Variants in SOX6 observed in about 807,000 individuals in gnomAD.
SOX6 encodes the protein SRY-box transcription factor 6.
SOX6 carries 11 observed loss-of-function variants against 97.8 expected under a neutral mutation model. The observed-to-expected ratio is 0.11, with a 90% CI of 0.07 to 0.19. The LOEUF is 0.19. Among genes scored for constraint, SOX6 ranks in the 10% least tolerant of loss-of-function variants. The pLI is 1.00. For synonymous variants in SOX6, 360 were observed against 371.4 expected (o/e 0.97, Z 0.35); for missense variants, 810 against 1,039.5 (o/e 0.78, Z 3.04).
At chr11:16,669,822 A>T (rs1371641438) in intron 3 of SOX6, among the ~76,000 whole-genome samples, 1 of 152,072 alleles carries the variant, frequency 6.6e-6, no homozygotes, top group Non-Finnish European at 1.5e-5. Context: ...ACTCTGACAC[A>T]ACCACCCTGC....
rs192662602 is a variant in SOX6, at chr11:16,497,959, A to G, written n.610-21571T>C. Among the ~76,000 whole-genome samples the G allele has an allele frequency of 1.3e-3, 194 of 152,326 alleles. 3 individuals carry two copies. The highest frequency in any genetic ancestry group is 0.011 in the Admixed American group (175 of 15,302). On this transcript the variant is annotated intron_variant and non_coding_transcript_variant, in intron 4 of 5. Coordinates refer to the SOX6 transcript ENST00000524520. ...AGGCCAACATTCACATTCAGGAAAT[A>G]CAGAGAATGCCACAAAGATACTCCT...
intron 9 of SOX6, among the ~76,000 whole-genome samples, chr11:16,071,919 A>G (rs978051138): frequency 6.6e-6 from 1 of 152,072 alleles, no homozygotes; most frequent in Non-Finnish European, 1.5e-5. Flanking sequence ...TTAAAAAAAA[A>G]AAAAAGAAAA....
At chr11:16,084,546 G>T (rs758944351) in intron 9 of SOX6, among the ~76,000 whole-genome samples, 3 of 151,922 alleles carry the variant, frequency 2.0e-5, no homozygotes, top group Non-Finnish European at 4.4e-5. Context: ...CTACTGAGGG[G>T]GTGTCATTAT....
intron 4 of SOX6, among the ~76,000 whole-genome samples, chr11:16,207,148 C>A (rs543416522): frequency 2.6e-5 from 4 of 152,300 alleles, no homozygotes; most frequent in Admixed American, 2.0e-4. Context: ...TCTATTCACA[C>A]TGCCCAAAAC....
intron 3 of SOX6, among the ~76,000 whole-genome samples, chr11:16,281,407 G>A (rs1462390357): frequency 6.6e-6 from 1 of 151,940 alleles, no homozygotes; most frequent in East Asian, 1.9e-4. Flanking sequence ...GAAGATATGA[G>A]TATTTTTCCC....
rs1221589996 is a variant in SOX6, at chr11:16,300,692, T to C, written c.445+17754A>G. On this transcript the variant is annotated intron_variant, in intron 3 of 15. Transcript: ENST00000683767. This position sits in a 1 kb window ranked among gnomAD's most constrained non-coding sequence, Gnocchi z 4.1. ...AAGTGGGGCTAACGAAAACTGAAGT[T>C]CATCACCAGAGAAACCTGCGGCTGT... Among the ~76,000 whole-genome samples the C allele has an allele frequency of 6.6e-6, 1 of 152,158 alleles. No individual in the cohort carries two copies. Among genetic ancestry groups the C allele is most frequent in the African/African-American group, 2.4e-5 (1 of 41,430 alleles).
intron 3 of SOX6, among the ~76,000 whole-genome samples, chr11:16,707,589 G>A (rs950386155): frequency 1.4e-4 from 21 of 152,150 alleles, no homozygotes; most frequent in Admixed American, 1.2e-3. Flanking sequence ...CTTTATTCAT[G>A]AGGCAACTGA....
intron 9 of SOX6, among the ~76,000 whole-genome samples, chr11:16,094,320 G>A (rs1848750589): frequency 6.6e-6 from 1 of 151,648 alleles, no homozygotes; most frequent in African/African-American, 2.4e-5. Flanking sequence ...GTTGGGAGTG[G>A]GGGGTGGGAG....
chr11:16,509,229 TATTTCAGAAATAA>T (rs1461127068), intron 4 of SOX6, among the ~76,000 whole-genome samples: 1 of 151,922 alleles, frequency 6.6e-6, no homozygotes, highest in African/African-American at 2.4e-5. Context: ...TAAATAAATT[TATTTCAGAAATAA>T]ATTTCAGAGA....
intron 9 of SOX6, among the ~76,000 whole-genome samples, chr11:16,072,264 A>C (rs1200731926): frequency 6.6e-6 from 1 of 152,248 alleles, no homozygotes; most frequent in Non-Finnish European, 1.5e-5. Flanking sequence ...CTGAACTGAG[A>C]GAGCTAAAAA....
At position 16,300,299 on chromosome 11, in the gene SOX6, T is replaced by C. The variant is rs1005194018; in HGVS notation, c.445+18147A>G. On this transcript the variant is annotated intron_variant, in intron 3 of 15. Coordinates refer to ENST00000683767, the MANE Select transcript of SOX6 (RefSeq NM_001367873.1). This position sits in a 1 kb window ranked among gnomAD's most constrained non-coding sequence, Gnocchi z 4.1. ...TACAAATGGAGAAAGTCCACAATAT[T>C]AGACATTTTTACTGTCCCTTCCTTA... Among the ~76,000 whole-genome samples the C allele has an allele frequency of 6.6e-6, 1 of 152,176 alleles. No individual in the cohort carries two copies. Among genetic ancestry groups the C allele is most frequent in the Non-Finnish European group, 1.5e-5 (1 of 68,016 alleles).
At chr11:16,014,140 C>T (rs1175617768) in intron 13 of SOX6, among the ~76,000 whole-genome samples, 1 of 152,016 alleles carries the variant, frequency 6.6e-6, no homozygotes, top group African/African-American at 2.4e-5. Flanking sequence ...AATAACCAGG[C>T]AACATTACTA....
At chr11:16,207,110 C>T (rs1426339224) in intron 4 of SOX6, among the ~76,000 whole-genome samples, 1 of 152,154 alleles carries the variant, frequency 6.6e-6, no homozygotes, top group Non-Finnish European at 1.5e-5. Flanking sequence ...AAAGTCATTT[C>T]TCTCTCATGC....
chr11:16,143,608 T>C (rs747243065), intron 6 of SOX6, among the ~76,000 whole-genome samples: 2 of 152,076 alleles, frequency 1.3e-5, no homozygotes, highest in Non-Finnish European at 2.9e-5. Flanking sequence ...AGGAGACCCA[T>C]TTCACGTGCA....
chr11:16,081,110 T>G (rs1034002010), intron 9 of SOX6, among the ~76,000 whole-genome samples: 1 of 152,058 alleles, frequency 6.6e-6, no homozygotes, highest in Non-Finnish European at 1.5e-5. Context: ...AATAATAATT[T>G]TTTAAAAATC....
chr11:16,405,749 T>TATTA (rs1178623246), intron 1 of SOX6, among the ~76,000 whole-genome samples: 1 of 152,054 alleles, frequency 6.6e-6, no homozygotes, highest in African/African-American at 2.4e-5. Flanking sequence ...GCCTCTTTAA[T>TATTA]AAGTTGAGCT....
chr11:16,090,465 C>T (rs1848660548), intron 9 of SOX6, among the ~76,000 whole-genome samples: 2 of 152,220 alleles, frequency 1.3e-5, no homozygotes, highest in Non-Finnish European at 2.9e-5. Flanking sequence ...GATTTCTAAG[C>T]ATTAGGAATT....
At chr11:16,277,905 A>T (rs949157598) in intron 3 of SOX6, among the ~76,000 whole-genome samples, 19 of 152,284 alleles carry the variant, frequency 1.2e-4, no homozygotes, top group Admixed American at 5.9e-4. Flanking sequence ...GGCCAATTTT[A>T]TCATTTACAA....
At chr11:15,979,042 C>CATATATATATATAT (rs57062569) in intron 15 of SOX6, among the ~76,000 whole-genome samples, 14,543 of 106,014 alleles carry the variant, frequency 0.14, 1,334 homozygotes, top group Non-Finnish European at 0.2. Context: ...ATATATTTTA[C>CATATATATATATAT]ATATATATAT....
Sources: allele counts gnomAD v4.1 joint callset (sites outside exome capture counted in the v4.1 genomes callset), GRCh38; gene constraint gnomAD v4.1.1; non-coding constraint Gnocchi (gnomAD v3.1); transcripts MANE v1.5; gene names NCBI Gene and HGNC (gene_info 2026-07-23, HGNC 2026-07-21).